AKAP19: variants seen among roughly 807,000 people sequenced by gnomAD.
AKAP19 encodes the protein A-kinase anchoring protein 19.
At chr2:189,984,512 T>G in the AKAP19 span, among the ~76,000 whole-genome samples, 1 of 152,208 alleles carries the variant, frequency 6.6e-6, no homozygotes, top group African/African-American at 2.4e-5. Context: ...GATTTCATAA[T>G]GCACAAACAC....
chr2:190,028,196 A>C, the AKAP19 span, among the ~76,000 whole-genome samples: 1 of 152,100 alleles, frequency 6.6e-6, no homozygotes, highest in Non-Finnish European at 1.5e-5. Context: ...GTAAACATAA[A>C]AGGATGTTTG....
At chr2:190,124,933 C>T in the AKAP19 span, among the ~76,000 whole-genome samples, 1 of 151,886 alleles carries the variant, frequency 6.6e-6, no homozygotes, top group South Asian at 2.1e-4. Context: ...ACACATTAGC[C>T]TAGGCCTACA....
At chr2:190,079,876 TGTGTGTGTGTGTGTGA>T in the AKAP19 span, 6 of 136,166 alleles carry the variant, frequency 4.4e-5, no homozygotes, top group Non-Finnish European at 8.0e-5. Flanking sequence ...TGTGTGTGTG[TGTGTGTGTGTGTGTGA>T]GAGAGAGAGA....
chr2:190,054,058 G>A, the AKAP19 span, among the ~76,000 whole-genome samples: 5 of 151,920 alleles, frequency 3.3e-5, no homozygotes, highest in Admixed American at 2.0e-4. Flanking sequence ...ACAAAGTTCA[G>A]ATAAGTGTAC....
the AKAP19 span, among the ~76,000 whole-genome samples, chr2:190,045,734 T>C: frequency 2.0e-5 from 3 of 152,318 alleles, no homozygotes; most frequent in East Asian, 5.8e-4. Flanking sequence ...AAGTGGGGCC[T>C]GCAGGCTGTC....
At chr2:190,038,878 C>CTCTTTCTTTCTT in the AKAP19 span, among the ~76,000 whole-genome samples, 105 of 80,276 alleles carry the variant, frequency 1.3e-3, 4 homozygotes, top group Middle Eastern at 5.4e-3. Flanking sequence ...AGAGTCCTCC[C>CTCTTTCTTTCTT]TCTTTCTTTC....
chr2:190,032,643 A>T, the AKAP19 span, among the ~76,000 whole-genome samples: 1 of 152,086 alleles, frequency 6.6e-6, no homozygotes, highest in Non-Finnish European at 1.5e-5. Context: ...TCCTCTCACT[A>T]GATTACTTTA....
chr2:190,154,008 G>C, the AKAP19 span, among the ~76,000 whole-genome samples: 1 of 152,150 alleles, frequency 6.6e-6, no homozygotes, highest in Non-Finnish European at 1.5e-5. Context: ...GGAGATATTT[G>C]CAACATATGT....
At chr2:190,163,480 C>T in the AKAP19 span, among the ~76,000 whole-genome samples, 1 of 151,248 alleles carries the variant, frequency 6.6e-6, no homozygotes, top group African/African-American at 2.4e-5. Context: ...CTGAGTCTTG[C>T]CCTGTGATTT....
the AKAP19 span, among the ~76,000 whole-genome samples, chr2:190,126,491 A>G: frequency 6.6e-6 from 1 of 151,886 alleles, no homozygotes; most frequent in Non-Finnish European, 1.5e-5. Context: ...TGATTCTCAT[A>G]TGAGATAAAC....
the AKAP19 span, among the ~76,000 whole-genome samples, chr2:190,035,430 CAA>C: frequency 2.1e-5 from 3 of 139,806 alleles, no homozygotes; most frequent in Admixed American, 7.1e-5. Context: ...GACTCCATCT[CAA>C]AAAAAAAAAA....
At chr2:190,172,087 AT>A in the AKAP19 span, among the ~76,000 whole-genome samples, 1 of 151,994 alleles carries the variant, frequency 6.6e-6, no homozygotes, top group African/African-American at 2.4e-5. Context: ...TCATAGACTC[AT>A]TTTTTTCCCA....
the AKAP19 span, among the ~76,000 whole-genome samples, chr2:189,892,670 C>T: frequency 6.6e-6 from 1 of 152,224 alleles, no homozygotes; most frequent in South Asian, 2.1e-4. Flanking sequence ...TGTCTATCAA[C>T]CCCTGCTGGG....
At chr2:189,885,135 C>G in the AKAP19 span, among the ~76,000 whole-genome samples, 3 of 152,130 alleles carry the variant, frequency 2.0e-5, no homozygotes, top group African/African-American at 7.2e-5. Context: ...TAGGCATACC[C>G]CCCATGAAGA....
At chr2:190,060,464 C>T in the AKAP19 span, 4 of 1,594,004 alleles carry the variant, frequency 2.5e-6, 1 homozygote, top group South Asian at 4.6e-5. Context: ...AGAAAAGTTG[C>T]TGAAATTATT....
chr2:189,979,425 A>T, the AKAP19 span, among the ~76,000 whole-genome samples: 3 of 152,220 alleles, frequency 2.0e-5, no homozygotes, highest in Admixed American at 1.3e-4. Flanking sequence ...TACAATAATT[A>T]ACTCAAGATG....
chr2:190,072,562 G>T, the AKAP19 span, among the ~76,000 whole-genome samples: 1 of 152,078 alleles, frequency 6.6e-6, no homozygotes, highest in Non-Finnish European at 1.5e-5. Context: ...TCCTGACAAT[G>T]AAAAATCAAT....
the AKAP19 span, among the ~76,000 whole-genome samples, chr2:190,001,329 T>C: frequency 6.6e-6 from 1 of 152,182 alleles, no homozygotes; most frequent in Non-Finnish European, 1.5e-5. Flanking sequence ...AGTACCATAC[T>C]CAGTTTCTAT....
At chr2:190,055,951 A>C in the AKAP19 span, 1 of 152,698 alleles carries the variant, frequency 6.5e-6, no homozygotes, top group African/African-American at 2.4e-5. Flanking sequence ...TGGTATACTT[A>C]GTAATGTTTT....
Sources: allele counts gnomAD v4.1 joint callset (sites outside exome capture counted in the v4.1 genomes callset), GRCh38; gene constraint gnomAD v4.1.1; transcripts MANE v1.5; gene names NCBI Gene and HGNC (gene_info 2026-07-23, HGNC 2026-07-21).